The following LARGE1 variants were observed in gnomAD, a reference collection of about 807,000 sequenced individuals.
The protein encoded by LARGE1 is LARGE xylosyl- and glucuronyltransferase 1, also known as xylosyl- and glucuronyltransferase LARGE1.
A neutral mutation model predicts 87.6 loss-of-function variants in LARGE1; 43 were observed. The ratio of observed to expected loss-of-function variants is 0.49; its 90% CI spans 0.38 to 0.63. The LOEUF is 0.63. LARGE1 is among the 30% of genes least tolerant of loss of function. LARGE1 has a pLI of 0.00. For synonymous variants in LARGE1, 434 were observed against 394.6 expected (o/e 1.10, Z -1.18); for missense variants, 802 against 1,000.2 (o/e 0.80, Z 2.67).
intron 3 of LARGE1, among the ~76,000 whole-genome samples, chr22:33,642,954 CTTT>C (rs2080490771): frequency 6.6e-6 from 1 of 152,034 alleles, no homozygotes; most frequent in South Asian, 2.1e-4. Flanking sequence ...TAGTGGGAGA[CTTT>C]AATACCCCAT....
At chr22:33,489,958 C>T (rs977340200) in intron 6 of LARGE1, among the ~76,000 whole-genome samples, 4 of 152,156 alleles carry the variant, frequency 2.6e-5, no homozygotes, top group Non-Finnish European at 2.9e-5. Flanking sequence ...CCAGGGAAGG[C>T]AGTGACTTCA....
At chr22:33,883,040 A>C (rs2064743196) in intron 1 of LARGE1, among the ~76,000 whole-genome samples, 1 of 152,222 alleles carries the variant, frequency 6.6e-6, no homozygotes. Flanking sequence ...ATAATAACCA[A>C]GAATGGGTTA....
chr22:33,078,543 C>T, the LARGE1 span, among the ~76,000 whole-genome samples: 3 of 152,142 alleles, frequency 2.0e-5, no homozygotes, highest in African/African-American at 4.8e-5. Context: ...ATGGTCATAC[C>T]AGTTAGTTAT....
intron 5 of LARGE1, among the ~76,000 whole-genome samples, chr22:33,593,279 G>C (rs949052333): frequency 6.6e-6 from 1 of 152,166 alleles, no homozygotes; most frequent in Admixed American, 6.5e-5. Flanking sequence ...CTGGGCTCAA[G>C]TGATCCACCC....
intron 10 of LARGE1, 51 bp downstream of exon 10, chr22:33,337,595 G>C (rs758276192): frequency 6.2e-7 from 1 of 1,608,426 alleles, no homozygotes; most frequent in Non-Finnish European, 8.5e-7. Context: ...GGTCCTTGAT[G>C]GATGAGCAGA....
At chr22:33,100,577 A>G in the LARGE1 span, among the ~76,000 whole-genome samples, 1 of 152,108 alleles carries the variant, frequency 6.6e-6, no homozygotes, top group Non-Finnish European at 1.5e-5. Context: ...GGTTTAGATA[A>G]TATTTTTAGA....
rs1479507779 is a variant in LARGE1 at position 33,680,048 on chromosome 22, A to C, written c.107-29380T>G. ...ATTACGGCAGCTGTGGGGACTTCAAATGGAGGGGATCACATTCCAGTCTAA... is the reference window on the plus strand; with the variant it reads ...ATTACGGCAGCTGTGGGGACTTCAACTGGAGGGGATCACATTCCAGTCTAA... On this transcript the variant is annotated intron_variant, in intron 2 of 14. Transcript: ENST00000397394. Among the ~76,000 whole-genome samples the C allele has an allele frequency of 2.6e-5, 4 of 152,130 alleles. No homozygotes were observed. In the East Asian group the frequency reaches 7.7e-4, roughly 29 times the overall value.
At chr22:33,398,864 G>A (rs5998922) in intron 7 of LARGE1, among the ~76,000 whole-genome samples, 1 of 152,146 alleles carries the variant, frequency 6.6e-6, no homozygotes, top group Non-Finnish European at 1.5e-5. Flanking sequence ...AGCTGGAAGA[G>A]GCAAGGAAGA....
chr22:33,745,675 T>G (rs2084054059), intron 2 of LARGE1, among the ~76,000 whole-genome samples: 1 of 152,130 alleles, frequency 6.6e-6, no homozygotes, highest in Admixed American at 6.5e-5. Flanking sequence ...AGGCTGACCC[T>G]AATCTGCCCT....
intron 1 of LARGE1, among the ~76,000 whole-genome samples, chr22:33,765,731 T>C (rs446869): frequency 0.9 from 120,819 of 134,118 alleles, 54,564 homozygotes; most frequent in East Asian, 0.97. Flanking sequence ...AAAAAAAAAG[T>C]TATAGACAAA....
intron 6 of LARGE1, among the ~76,000 whole-genome samples, chr22:33,476,574 T>C (rs1295375743): frequency 6.6e-6 from 1 of 152,226 alleles, no homozygotes; most frequent in Non-Finnish European, 1.5e-5. Flanking sequence ...GTCATAGGCA[T>C]GTCCTTAACC....
intron 6 of LARGE1, among the ~76,000 whole-genome samples, chr22:33,454,845 T>G (rs2068069731): frequency 6.6e-6 from 1 of 151,904 alleles, no homozygotes; most frequent in South Asian, 2.1e-4. Context: ...GAGAACTCTA[T>G]CATGAGAACA....
At chr22:33,432,289 C>T in intron 6 of LARGE1, 24 bp from the exon 7 acceptor site, 1 of 1,584,398 alleles carries the variant, frequency 6.3e-7, no homozygotes, top group African/African-American at 1.3e-5. Flanking sequence ...AGAATACAAA[C>T]ATCTTAAAAG....
At chr22:33,149,758 C>G in the LARGE1 span, among the ~76,000 whole-genome samples, 1 of 152,098 alleles carries the variant, frequency 6.6e-6, no homozygotes, top group Non-Finnish European at 1.5e-5. Flanking sequence ...GCTCCTTATG[C>G]TTGTTGGACT....
intron 5 of LARGE1, among the ~76,000 whole-genome samples, chr22:33,586,583 A>T (rs551973203): frequency 6.6e-5 from 10 of 151,200 alleles, no homozygotes; most frequent in Admixed American, 6.6e-4. Context: ...TCAGCCTCCC[A>T]AGTAGCTGGG....
At chr22:33,643,073 C>T (rs985570261) in intron 3 of LARGE1, among the ~76,000 whole-genome samples, 1 of 152,106 alleles carries the variant, frequency 6.6e-6, no homozygotes, top group South Asian at 2.1e-4. Flanking sequence ...GAACTCCCCA[C>T]CCCAAATCAA....
intron 2 of LARGE1, among the ~76,000 whole-genome samples, chr22:33,700,112 A>T (rs995543699): frequency 1.3e-5 from 2 of 152,136 alleles, no homozygotes; most frequent in African/African-American, 2.4e-5. Context: ...AAAGGCAACA[A>T]ATCTACGTAT....
intron 4 of LARGE1, among the ~76,000 whole-genome samples, chr22:33,614,686 TC>T (rs1361141655): frequency 6.6e-6 from 1 of 151,800 alleles, no homozygotes; most frequent in Non-Finnish European, 1.5e-5. Context: ...CAGCCCCATC[TC>T]CCCCATCACT....
intron 2 of LARGE1, among the ~76,000 whole-genome samples, chr22:33,731,376 C>G (rs568115689): frequency 2.2e-4 from 33 of 152,170 alleles, no homozygotes; most frequent in Admixed American, 1.3e-3. Context: ...ACTTGGATAT[C>G]TGAGGAGGTT....
Sources: allele counts gnomAD v4.1 joint callset (sites outside exome capture counted in the v4.1 genomes callset), GRCh38; gene constraint gnomAD v4.1.1; transcripts MANE v1.5; gene names NCBI Gene and HGNC (gene_info 2026-07-23, HGNC 2026-07-21).